Variants in KCND2 observed in about 807,000 individuals in gnomAD.
KCND2 encodes the protein A-type voltage-gated potassium channel KCND2.
In KCND2, 16 loss-of-function variants were observed where a neutral mutation model predicts 54.4. That is an observed-to-expected ratio of 0.29 (90% CI 0.20 to 0.45). KCND2 has a LOEUF of 0.45. KCND2 is among the 20% of genes least tolerant of loss of function. The pLI, the probability that KCND2 is intolerant of heterozygous loss-of-function variation, is 1.00. For synonymous variants in KCND2, 317 were observed against 310.7 expected (o/e 1.02, Z -0.21); for missense variants, 486 against 824.2 (o/e 0.59, Z 5.02).
chr7:120,523,701 ACT>A (rs1491569934), intron 1 of KCND2, among the ~76,000 whole-genome samples: 3 of 106,206 alleles, frequency 2.8e-5, no homozygotes, highest in Admixed American at 9.3e-5. Context: ...ACACACACAC[ACT>A]CTGTGTGTGT....
chr7:120,622,687 ACACTCTCTCTCTCT>A lies in KCND2; in HGVS notation c.1116-110214_1116-110201del, dbSNP rs936521264. ...CTTACACACACACACACACACACAC[ACACTCTCTCTCTCT>A]CTCTCTCTCTCTCTCACACACACAC... is the stretch of plus-strand genomic sequence containing the variant. On this transcript the variant is annotated intron_variant, in intron 1 of 5. Coordinates refer to ENST00000331113, the MANE Select transcript of KCND2 (RefSeq NM_012281.3). 8.4e-5 allele frequency among the ~76,000 whole-genome samples: 12 copies of A among 143,356 alleles called. No individual in the cohort carries two copies. In the South Asian group the frequency reaches 1.3e-3, roughly 15 times the overall value. The allele number at this position is 143,356 out of a possible 152,430, so 94.0% of individuals were successfully genotyped here. A position where few individuals can be genotyped will look rare whatever the true frequency, so the allele number is the denominator to read the frequency against.
At chr7:120,483,563 A>G (rs917427791) in intron 1 of KCND2, among the ~76,000 whole-genome samples, 3 of 152,196 alleles carry the variant, frequency 2.0e-5, no homozygotes, top group Admixed American at 2.0e-4. Flanking sequence ...GAAAGATGGA[A>G]ATAAAGAACT....
At chr7:120,587,769 C>G (rs1162953819) in intron 1 of KCND2, among the ~76,000 whole-genome samples, 1 of 152,100 alleles carries the variant, frequency 6.6e-6, no homozygotes, top group South Asian at 2.1e-4. Flanking sequence ...GCATGTGGTG[C>G]GTGTTACAGC....
intron 1 of KCND2, among the ~76,000 whole-genome samples, chr7:120,596,925 C>A (rs535840597): frequency 6.6e-6 from 1 of 152,296 alleles, no homozygotes; most frequent in South Asian, 2.1e-4. Context: ...AGGCACTGTG[C>A]TGAAGAATAT....
chr7:120,287,677 A>C (rs185656417), intron 1 of KCND2, among the ~76,000 whole-genome samples: 2 of 152,174 alleles, frequency 1.3e-5, no homozygotes, highest in African/African-American at 4.8e-5. Flanking sequence ...GCATAGTGAA[A>C]TACTGTCTCT....
In KCND2 at chr7:120,630,264, A is replaced by G. The variant is rs141896525; in HGVS notation, c.1116-102639A>G. On this transcript the variant is annotated intron_variant, in intron 1 of 5. Coordinates refer to ENST00000331113, the MANE Select transcript of KCND2 (RefSeq NM_012281.3). ...TCTTTGGTGAGTAAAAATTCATTAA[A>G]ATTTTGGAATTGACCGAGGCACTAT... 6.7e-3 allele frequency among the ~76,000 whole-genome samples: 1,018 copies of G among 152,344 alleles called. 12 individuals carry two copies. Among genetic ancestry groups the G allele is most frequent in the African/African-American group, 0.017 (712 of 41,578 alleles).
At chr7:120,359,843 A>T (rs1421193618) in intron 1 of KCND2, among the ~76,000 whole-genome samples, 8 of 152,034 alleles carry the variant, frequency 5.3e-5, no homozygotes, top group Non-Finnish European at 1.2e-4. Context: ...GTGAGTTCTC[A>T]TGAGATCTGA....
intron 1 of KCND2, among the ~76,000 whole-genome samples, chr7:120,342,870 G>A (rs1362560356): frequency 1.3e-5 from 2 of 152,108 alleles, no homozygotes; most frequent in Admixed American, 1.3e-4. Context: ...ATTTGAAAAA[G>A]CATTGGGATA....
intron 1 of KCND2, among the ~76,000 whole-genome samples, chr7:120,606,167 A>G (rs1036111246): frequency 3.3e-5 from 5 of 152,224 alleles, no homozygotes; most frequent in Non-Finnish European, 5.9e-5. Flanking sequence ...CTTTTTCTTT[A>G]TTAATTACCC....
chr7:120,622,508 T>C (rs1330750585), intron 1 of KCND2, among the ~76,000 whole-genome samples: 1 of 151,120 alleles, frequency 6.6e-6, no homozygotes, highest in Non-Finnish European at 1.5e-5. Context: ...TACAGTCTCA[T>C]AATTTCTGTT....
intron 1 of KCND2, among the ~76,000 whole-genome samples, chr7:120,419,524 G>A (rs1477547720): frequency 6.6e-6 from 1 of 152,180 alleles, no homozygotes; most frequent in African/African-American, 2.4e-5. Flanking sequence ...GATCCAATAT[G>A]AGACCGCTCT....
intron 1 of KCND2, among the ~76,000 whole-genome samples, chr7:120,408,206 A>G (rs1430669354): frequency 6.6e-6 from 1 of 151,974 alleles, no homozygotes; most frequent in Admixed American, 6.6e-5. Flanking sequence ...TACTAAATGA[A>G]AAATATCATC....
chr7:120,668,486 A>G (rs1584876248), intron 1 of KCND2, among the ~76,000 whole-genome samples: 1 of 152,094 alleles, frequency 6.6e-6, no homozygotes, highest in African/African-American at 2.4e-5. Context: ...ACAAAATTCT[A>G]ATACATCCGA....
At chr7:120,505,332 C>T (rs147787746) in intron 1 of KCND2, among the ~76,000 whole-genome samples, 398 of 150,720 alleles carry the variant, frequency 2.6e-3, no homozygotes, top group African/African-American at 9.2e-3. Flanking sequence ...GGGCAGAGTA[C>T]GAAGGAAAAA....
At chr7:120,333,438 A>C (rs958809624) in intron 1 of KCND2, among the ~76,000 whole-genome samples, 1 of 152,098 alleles carries the variant, frequency 6.6e-6, no homozygotes, top group African/African-American at 2.4e-5. Flanking sequence ...TACCAGAAGA[A>C]ATAGAAAATA....
chr7:120,726,903 G>A (rs781054162), intron 1 of KCND2, among the ~76,000 whole-genome samples: 9 of 152,192 alleles, frequency 5.9e-5, no homozygotes, highest in Admixed American at 1.3e-4. Flanking sequence ...TAATGTGAGA[G>A]ATTGAGTTAC....
At chr7:120,587,303 T>C (rs1018219627) in intron 1 of KCND2, among the ~76,000 whole-genome samples, 90 of 152,174 alleles carry the variant, frequency 5.9e-4, no homozygotes, top group African/African-American at 2.1e-3. Context: ...TGAGCTGGAG[T>C]TTCCAGAAGG....
At chr7:120,360,829 C>G (rs1292685653) in intron 1 of KCND2, among the ~76,000 whole-genome samples, 1 of 151,948 alleles carries the variant, frequency 6.6e-6, no homozygotes, top group Non-Finnish European at 1.5e-5. Flanking sequence ...GCATAGCTTC[C>G]AAAAATGGAA....
chr7:120,485,359 G>A (rs1802678508), intron 1 of KCND2, among the ~76,000 whole-genome samples: 1 of 152,182 alleles, frequency 6.6e-6, no homozygotes, highest in Non-Finnish European at 1.5e-5. Context: ...TTATCCTGGA[G>A]TAAGAATATC....
Sources: gnomAD v4.1 joint callset for allele counts (sites outside exome capture counted in the v4.1 genomes callset) on GRCh38, gnomAD v4.1.1 for gene constraint, MANE v1.5 for transcripts, NCBI Gene and HGNC (gene_info 2026-07-23, HGNC 2026-07-21) for gene names.